Variants in ELAPOR1 observed in about 807,000 individuals in gnomAD.
ELAPOR1 encodes endosome/lysosome-associated apoptosis and autophagy regulator 1.
ELAPOR1 carries 77 observed loss-of-function variants against 119.7 expected under a neutral mutation model. The ratio of observed to expected loss-of-function variants is 0.64; its 90% CI spans 0.54 to 0.78. ELAPOR1 has a LOEUF of 0.78. ELAPOR1 is among the 30% of genes least tolerant of loss of function. ELAPOR1 has a pLI of 0.00. For missense variants in ELAPOR1, 1,115 were observed against 1,270.4 expected (o/e 0.88, Z 1.86); for synonymous variants, 481 against 487.2 (o/e 0.99, Z 0.17).
Position 109,189,082 on chromosome 1 carries a change from T to C in ELAPOR1, c.1236T>C (p.Pro412=), listed in dbSNP as rs1467796104. Residue 412 remains proline (P), a synonymous_variant, in exon 10 of 22, where the codon CCT becomes CCC. Coordinates refer to ENST00000369939, the MANE Select transcript of ELAPOR1 (RefSeq NM_020775.5). The part of the protein sequence containing the change: ...YSNGSDCTRC[P]AGTEPAVGFE... The stretch of plus-strand genomic sequence containing the variant: ...GTTCCCCAGACTGTACCCGCTGCCC[T>C]GCAGGGACTGAACCTGCTGTGGGAT... 6.2e-7 allele frequency: 1 copy of C among 1,613,910 alleles called. No individual in the cohort carries two copies. Among genetic ancestry groups the C allele is most frequent in the South Asian group, 1.1e-5 (1 of 91,060 alleles).
chr1:109,191,533 C>T (rs1175899338), intron 12 of ELAPOR1, 62 bp downstream of exon 12: 1 of 1,488,834 alleles, frequency 6.7e-7, no homozygotes, highest in Non-Finnish European at 9.4e-7. Flanking sequence ...CCATCTGCCC[C>T]ATTGGTGTGT....
rs1054831598 is a variant in ELAPOR1, at chr1:109,192,515, G to A, written c.1684-96G>A. The A allele has an allele frequency of 6.0e-5, 77 of 1,281,434 alleles. No individual in the cohort carries two copies. The African/African-American group carries it at 1.1e-3, about 18-fold the overall frequency. The allele number at this position is 1,281,434 out of a possible 1,614,324, so 79.4% of individuals were successfully genotyped here. A position where few individuals can be genotyped will look rare whatever the true frequency, so the allele number is the denominator to read the frequency against. Reference sequence around the variant, plus strand: ...TCTCAGATTCTTCTTAAGTATCACAGGATAGAAGATTAAGTACCTTGCTCT... The same window carrying A: ...TCTCAGATTCTTCTTAAGTATCACAAGATAGAAGATTAAGTACCTTGCTCT... On this transcript the variant is annotated intron_variant, in intron 13 of 21. Coordinates refer to ENST00000369939, the MANE Select transcript of ELAPOR1 (RefSeq NM_020775.5).
At chr1:109,154,816 G>C (rs1396595188) in intron 1 of ELAPOR1, among the ~76,000 whole-genome samples, 3 of 152,192 alleles carry the variant, frequency 2.0e-5, no homozygotes, top group African/African-American at 7.2e-5. Context: ...GTCTGGGGGA[G>C]CTGGCTTGTC....
intron 1 of ELAPOR1, among the ~76,000 whole-genome samples, chr1:109,159,196 A>G (rs1651088936): frequency 6.6e-6 from 1 of 152,142 alleles, no homozygotes; most frequent in Admixed American, 6.5e-5. Flanking sequence ...CCCCGCCCTA[A>G]GCTTATGTCT....
At chr1:109,190,072 G>C (rs1456931998) in intron 11 of ELAPOR1, among the ~76,000 whole-genome samples, 1 of 152,136 alleles carries the variant, frequency 6.6e-6, no homozygotes, top group African/African-American at 2.4e-5. Flanking sequence ...TACTGTATTT[G>C]TCCCCATATC....
intron 1 of ELAPOR1, among the ~76,000 whole-genome samples, chr1:109,154,588 T>C (rs1650752839): frequency 6.6e-6 from 1 of 152,132 alleles, no homozygotes; most frequent in Non-Finnish European, 1.5e-5. Context: ...GGAGGCCCCA[T>C]TTGAGGGGCT....
At chr1:109,162,094 C>T (rs1558041317) in intron 2 of ELAPOR1, 80 bp downstream of exon 2, 1 of 1,487,536 alleles carries the variant, frequency 6.7e-7, no homozygotes, top group Non-Finnish European at 9.2e-7. Flanking sequence ...CCAATCTGGG[C>T]CCTTCCTGGC....
At chr1:109,155,424 C>A (rs1471092560) in intron 1 of ELAPOR1, among the ~76,000 whole-genome samples, 1 of 152,134 alleles carries the variant, frequency 6.6e-6, no homozygotes, top group Admixed American at 6.5e-5. Flanking sequence ...GTGATCCACT[C>A]GCCTTGGCCT....
intron 8 of ELAPOR1, among the ~76,000 whole-genome samples, chr1:109,186,076 A>G (rs1342067877): frequency 2.1e-5 from 3 of 141,510 alleles, no homozygotes; most frequent in African/African-American, 8.5e-5. Flanking sequence ...GGTAGGAAGG[A>G]AAAAAAAAAA....
intron 11 of ELAPOR1, among the ~76,000 whole-genome samples, chr1:109,190,704 C>T (rs1653378562): frequency 6.6e-6 from 1 of 152,284 alleles, no homozygotes; most frequent in South Asian, 2.1e-4. Context: ...ATTTGCAAAT[C>T]TGATCGTCAT....
chr1:109,138,964 C>G (rs1649662507), intron 1 of ELAPOR1, among the ~76,000 whole-genome samples: 1 of 151,396 alleles, frequency 6.6e-6, no homozygotes, highest in Non-Finnish European at 1.5e-5. Flanking sequence ...ATAAGGGGTA[C>G]AGAATGAAGC....
At position 109,182,639 on chromosome 1, in the gene ELAPOR1, A is replaced by G. The variant is rs540531937; in HGVS notation, c.953-2406A>G. ...TCCCAGCACTTTGGGAGGCCAAGGC[A>G]GGCGGATCACGAGGTCAGCAGATCG... On this transcript the variant is annotated intron_variant, in intron 7 of 21. Transcript: ENST00000369939. Among the ~76,000 whole-genome samples, 3 of 152,136 alleles carry G rather than the reference A, an allele frequency of 2.0e-5. No homozygotes were observed. In the East Asian group the frequency reaches 5.8e-4, roughly 29 times the overall value.
At chr1:109,173,906 G>A in intron 7 of ELAPOR1, 69 bp downstream of exon 7, 1 of 1,543,040 alleles carries the variant, frequency 6.5e-7, no homozygotes, top group Non-Finnish European at 8.9e-7. Flanking sequence ...GGAGATACCA[G>A]GGAATAGAGC....
chr1:109,132,105 G>C (rs1445075509), intron 1 of ELAPOR1, among the ~76,000 whole-genome samples: 1 of 152,102 alleles, frequency 6.6e-6, no homozygotes, highest in Non-Finnish European at 1.5e-5. Context: ...TAATATCTTT[G>C]TGTATATGAA....
At chr1:109,139,516 A>G (rs915733138) in intron 1 of ELAPOR1, among the ~76,000 whole-genome samples, 1 of 152,142 alleles carries the variant, frequency 6.6e-6, no homozygotes, top group Non-Finnish European at 1.5e-5. Context: ...CTCACTGGCC[A>G]GTGTGGTAGT....
chr1:109,132,050 T>C (rs1002628616), intron 1 of ELAPOR1, among the ~76,000 whole-genome samples: 2 of 152,176 alleles, frequency 1.3e-5, no homozygotes, highest in East Asian at 3.8e-4. Flanking sequence ...GTGATATGCT[T>C]AGATACTTGT....
chr1:109,186,416 G>A, intron 8 of ELAPOR1: 1 of 792,706 alleles, frequency 1.3e-6, no homozygotes, highest in Non-Finnish European at 1.5e-6. Flanking sequence ...TGGCTCTTAG[G>A]GAGCATAAAC....
At chr1:109,175,296 G>A (rs1305099117) in intron 7 of ELAPOR1, among the ~76,000 whole-genome samples, 1 of 151,308 alleles carries the variant, frequency 6.6e-6, no homozygotes, top group Non-Finnish European at 1.5e-5. Context: ...TCTGCCTCCC[G>A]GGTTCAAGCA....
In ELAPOR1 at chr1:109,205,948, G is replaced by A. The variant is rs1654462821; in HGVS notation, c.*2936G>A. On this transcript the variant is annotated 3_prime_UTR_variant, in exon 22 of 22. Coordinates refer to ENST00000369939, the MANE Select transcript of ELAPOR1 (RefSeq NM_020775.5). ...TACACAATTCACCTTTAAAACATAC[G>A]ATTCAATGGTTTTCAGCAAACTCAC... The A allele has an allele frequency of 6.6e-6, 1 of 151,950 alleles. No homozygotes were observed. The highest frequency in any genetic ancestry group is 2.1e-4 in the South Asian group (1 of 4,820). 9.4% of individuals were successfully genotyped at this position (151,950 alleles called of 1,614,324 possible).
Sources: gnomAD v4.1 joint callset for allele counts (sites outside exome capture counted in the v4.1 genomes callset) on GRCh38, gnomAD v4.1.1 for gene constraint, MANE v1.5 for transcripts, NCBI Gene and HGNC (gene_info 2026-07-23, HGNC 2026-07-21) for gene names.